The following CLVS1 variants were observed in gnomAD, a reference collection of about 807,000 sequenced individuals.
CLVS1 encodes the protein clavesin-1.
In CLVS1, 10 loss-of-function variants were observed where a neutral mutation model predicts 33.1. That is an observed-to-expected ratio of 0.30 (90% CI 0.19 to 0.51). The LOEUF is 0.51. Ranked by LOEUF, CLVS1 falls within the 20% of genes least tolerant of loss-of-function variation. The pLI is 0.97. For missense variants in CLVS1, 343 were observed against 433.4 expected, an observed-to-expected ratio of 0.79 and a Z score of 1.85; for synonymous variants, 163 against 166.1, an observed-to-expected ratio of 0.98 and a Z score of 0.14.
At chr8:61,145,343 C>T (rs75104076) in intron 2 of CLVS1, among the ~76,000 whole-genome samples, 3,636 of 152,232 alleles carry the variant, frequency 0.024, 142 homozygotes, top group African/African-American at 0.082. Flanking sequence ...AGACAAGAAC[C>T]GTGATATCAC....
chr8:61,242,933 T>C (rs1427328789), intron 2 of CLVS1, among the ~76,000 whole-genome samples: 1 of 150,240 alleles, frequency 6.7e-6, no homozygotes, highest in Admixed American at 6.6e-5. Flanking sequence ...ATCCTTAGAC[T>C]GATAACACTA....
the CLVS1 span, among the ~76,000 whole-genome samples, chr8:61,043,006 C>G: frequency 1.9e-4 from 29 of 152,310 alleles, no homozygotes; most frequent in Non-Finnish European, 3.7e-4. Context: ...TGTTCAAAAG[C>G]TGTTGGTTAT....
chr8:61,444,582 A>G (rs771117834), intron 3 of CLVS1, among the ~76,000 whole-genome samples: 1 of 152,230 alleles, frequency 6.6e-6, no homozygotes, highest in Non-Finnish European at 1.5e-5. Flanking sequence ...ACAGGCAGAC[A>G]TGGAGTAACT....
At chr8:61,125,690 T>C (rs112488646) in intron 1 of CLVS1, among the ~76,000 whole-genome samples, 136 of 152,288 alleles carry the variant, frequency 8.9e-4, no homozygotes, top group African/African-American at 2.8e-3. Flanking sequence ...TCTGAAGAAC[T>C]CCACTGTTTT....
At chr8:60,967,609 T>C in the CLVS1 span, 1 of 455,774 alleles carries the variant, frequency 2.2e-6, no homozygotes, top group South Asian at 1.5e-5. Flanking sequence ...CTGGGAACCA[T>C]GTGTGGCTGC....
intron 5 of CLVS1, among the ~76,000 whole-genome samples, chr8:61,469,968 T>A (rs891101523): frequency 6.6e-6 from 1 of 152,242 alleles, no homozygotes; most frequent in African/African-American, 2.4e-5. Flanking sequence ...TATCATCACT[T>A]CTAGAAGCAA....
intron 1 of CLVS1, chr8:61,090,930 T>A (rs1168855370): frequency 3.9e-6 from 2 of 518,696 alleles, no homozygotes; most frequent in South Asian, 2.8e-5. Flanking sequence ...AAATGGGGAA[T>A]GTGCGTGAAT....
At chr8:61,201,509 T>G (rs59758730) in intron 2 of CLVS1, among the ~76,000 whole-genome samples, 2,810 of 152,262 alleles carry the variant, frequency 0.018, 93 homozygotes, top group African/African-American at 0.064. Flanking sequence ...TGATTGTTTC[T>G]TTCGTAGGAC....
At chr8:60,977,539 A>G in the CLVS1 span, among the ~76,000 whole-genome samples, 1,911 of 152,338 alleles carry the variant, frequency 0.013, 21 homozygotes, top group Non-Finnish European at 0.02. Context: ...GAAAAGTGCA[A>G]AAACTAAAAT....
chr8:61,233,721 G>A (rs1563455860), intron 2 of CLVS1, among the ~76,000 whole-genome samples: 1 of 152,202 alleles, frequency 6.6e-6, no homozygotes, highest in East Asian at 1.9e-4. Flanking sequence ...TCCTGGCTGG[G>A]AAAAGGGCCT....
At chr8:61,173,123 C>T (rs33926669) in intron 2 of CLVS1, among the ~76,000 whole-genome samples, 63,968 of 151,896 alleles carry the variant, frequency 0.42, 15,923 homozygotes, top group Middle Eastern at 0.65. Flanking sequence ...GGCATCTTTT[C>T]AGTTCCTTCT....
At chr8:60,993,790 G>C in the CLVS1 span, among the ~76,000 whole-genome samples, 1 of 152,258 alleles carries the variant, frequency 6.6e-6, no homozygotes, top group African/African-American at 2.4e-5. Flanking sequence ...GGTGATGCCT[G>C]CCTGTCCCTG....
At chr8:61,309,927 T>C (rs73682218) in intron 2 of CLVS1, among the ~76,000 whole-genome samples, 5,324 of 152,322 alleles carry the variant, frequency 0.035, 293 homozygotes, top group African/African-American at 0.11. Context: ...AAGAGCTTTT[T>C]ACAAGTAGCG....
At chr8:60,977,266 C>T in the CLVS1 span, among the ~76,000 whole-genome samples, 6 of 151,984 alleles carry the variant, frequency 3.9e-5, no homozygotes, top group Admixed American at 6.6e-5. Flanking sequence ...CAGTTGCTAA[C>T]AACAAAAATA....
At chr8:61,200,547 C>G (rs1807706835) in intron 2 of CLVS1, among the ~76,000 whole-genome samples, 1 of 152,210 alleles carries the variant, frequency 6.6e-6, no homozygotes, top group South Asian at 2.1e-4. Context: ...ATAAAACCTG[C>G]TGTGAACATC....
the CLVS1 span, among the ~76,000 whole-genome samples, chr8:61,021,370 A>C: frequency 4.6e-5 from 7 of 151,628 alleles, no homozygotes; most frequent in Non-Finnish European, 1.0e-4. Context: ...TTTGTTTTTG[A>C]GATGGAGTCC....
At chr8:61,236,504 C>T (rs1037898033) in intron 2 of CLVS1, among the ~76,000 whole-genome samples, 4 of 152,202 alleles carry the variant, frequency 2.6e-5, no homozygotes, top group African/African-American at 4.8e-5. Flanking sequence ...CTTGCTCAGA[C>T]GTCCCCCTGG....
rs1357418136 is a variant in CLVS1 at position 61,493,941 on chromosome 8, G to A, written c.978-5514G>A. 3.3e-5 allele frequency among the ~76,000 whole-genome samples: 5 copies of A among 152,294 alleles called. No individual in the cohort carries two copies. In the South Asian group the frequency reaches 8.3e-4, roughly 25 times the overall value. On this transcript the variant is annotated intron_variant, in intron 5 of 5. Transcript: ENST00000325897. Reference sequence around the variant, plus strand: ...CTTGGTGAATGCCTGGGGTTGGAGAGCAGCATTCCTGTCCCTTTGTTGGGG... The same window carrying A: ...CTTGGTGAATGCCTGGGGTTGGAGAACAGCATTCCTGTCCCTTTGTTGGGG...
chr8:61,248,090 G>A (rs1808856532), intron 2 of CLVS1, among the ~76,000 whole-genome samples: 1 of 152,114 alleles, frequency 6.6e-6, no homozygotes, highest in Non-Finnish European at 1.5e-5. Context: ...AGATTGGATG[G>A]CTGTAGATGT....
Sources: allele counts gnomAD v4.1 joint callset (sites outside exome capture counted in the v4.1 genomes callset), GRCh38; gene constraint gnomAD v4.1.1; transcripts MANE v1.5; gene names NCBI Gene and HGNC (gene_info 2026-07-23, HGNC 2026-07-21).